Variants in HECW2 observed in about 807,000 individuals in gnomAD.
HECW2 encodes E3 ubiquitin-protein ligase HECW2.
HECW2 carries 61 observed loss-of-function variants against 175.2 expected under a neutral mutation model. The observed-to-expected ratio is 0.35, with a 90% CI of 0.28 to 0.43. HECW2 has a LOEUF of 0.43. Ranked by LOEUF, HECW2 falls within the 20% of genes least tolerant of loss-of-function variation. The pLI is 1.00. For synonymous variants in HECW2, 671 were observed against 731.0 expected (o/e 0.92, Z 1.32); for missense variants, 1,524 against 2,000.5 (o/e 0.76, Z 4.54).
chr2:196,332,483 T>A (rs1692402723), intron 4 of HECW2, among the ~76,000 whole-genome samples: 1 of 152,210 alleles, frequency 6.6e-6, no homozygotes, highest in African/African-American at 2.4e-5. Flanking sequence ...CTATACTGAT[T>A]GCCAGTGTTG....
At chr2:196,500,309 C>A (rs748176267) in intron 1 of HECW2, among the ~76,000 whole-genome samples, 4 of 152,052 alleles carry the variant, frequency 2.6e-5, no homozygotes, top group Non-Finnish European at 4.4e-5. Flanking sequence ...ACTTCCCCAT[C>A]CCATGACATC....
At chr2:196,578,764 A>G (rs1690654328) in intron 1 of HECW2, among the ~76,000 whole-genome samples, 1 of 152,194 alleles carries the variant, frequency 6.6e-6, no homozygotes, top group South Asian at 2.1e-4. Flanking sequence ...ACTATCCTTC[A>G]AAAAATGAAG....
intron 1 of HECW2, among the ~76,000 whole-genome samples, chr2:196,578,264 G>T (rs1303540898): frequency 6.6e-6 from 1 of 152,018 alleles, no homozygotes; most frequent in African/African-American, 2.4e-5. Context: ...ATTTGAACAG[G>T]CATAAAAAAG....
At position 196,253,976 on chromosome 2, in the gene HECW2, G is replaced by C; in HGVS notation, c.3473C>G (p.Pro1158Arg). ...GCCACGTGGGGACTGACAGTAGCTG[G>C]GGTGGAGTAAGGCATGTGGAGGCAC... ...SYVPPHALLH[P>R]SYCQSPRGSP... Residue 1158 changes from proline (P) to arginine (R), a missense_variant, in exon 19 of 29, where the codon CCC becomes CGC. Physicochemically the swap from Pro to Arg is moderately radical, Grantham distance 103. Transcript: ENST00000644978. 6.2e-7 allele frequency: 1 copy of C among 1,614,054 alleles called. No individual in the cohort carries two copies. The highest frequency in any genetic ancestry group is 8.5e-7 in the Non-Finnish European group (1 of 1,179,932).
chr2:196,340,210 T>TA (rs1559052770), intron 3 of HECW2, among the ~76,000 whole-genome samples: 2 of 152,010 alleles, frequency 1.3e-5, no homozygotes, highest in African/African-American at 4.8e-5. Context: ...TTCACAATTT[T>TA]AAAAAAAAGT....
chr2:196,526,125 T>C (rs1269040330), intron 1 of HECW2, among the ~76,000 whole-genome samples: 1 of 27,488 alleles, frequency 3.6e-5, no homozygotes, highest in Non-Finnish European at 7.1e-5. Context: ...CAATCAGACG[T>C]AGATTTGGTC....
rs573040549 is a variant in HECW2 at position 196,347,431 on chromosome 2, C to T, written c.293-3667G>A. 3.3e-5 allele frequency among the ~76,000 whole-genome samples: 5 copies of T among 152,204 alleles called. No individual in the cohort carries two copies. The South Asian group carries it at 8.3e-4, about 25-fold the overall frequency. ...TTCACCATGTTGGCTAGGCTGGTCT[C>T]GAACTCCTGACCTTGGGTGATCAGC... On this transcript the variant is annotated intron_variant, in intron 2 of 28. Transcript: ENST00000644978.
intron 3 of HECW2, among the ~76,000 whole-genome samples, chr2:196,341,306 G>T (rs985171366): frequency 1.1e-4 from 16 of 152,092 alleles, no homozygotes; most frequent in African/African-American, 3.9e-4. Flanking sequence ...TCCAAAGGAA[G>T]TGATTTTACC....
chr2:196,331,352 C>G (rs896431031), intron 4 of HECW2: 2 of 886,152 alleles, frequency 2.3e-6, no homozygotes, highest in African/African-American at 3.6e-5. Context: ...CTGTGGCTAT[C>G]TCATCCTGCT....
In HECW2 at chr2:196,381,221, C is replaced by A. The variant is rs548574711; in HGVS notation, c.293-37457G>T. 5.3e-5 allele frequency among the ~76,000 whole-genome samples: 8 copies of A among 152,248 alleles called. No homozygotes were observed. The South Asian group carries it at 1.7e-3, about 32-fold the overall frequency. ...TGTGACCATGAACCTCACCAATCAC[C>A]CCACATGGTTCTCACGTCACTGAGT... On this transcript the variant is annotated intron_variant, in intron 2 of 28. Transcript: ENST00000644978.
In HECW2 at chr2:196,278,586, G is replaced by C; in HGVS notation, c.3077C>G (p.Thr1026Arg). The stretch of plus-strand genomic sequence containing the variant: ...GTGTTGCCGATGAACCAGCGCACTT[G>C]TGGGTCTACTGCTCTGAAGTGGGAG... The part of the protein sequence containing the change: ...PRLPLQSSRP[T>R]SALVHRQHLT... Residue 1026 changes from threonine to arginine, a missense_variant, in exon 15 of 29, where the codon ACA becomes AGA. Physicochemically the swap from Thr to Arg is moderately conservative, Grantham distance 71 (BLOSUM62 -1). Coordinates refer to ENST00000644978, the MANE Select transcript of HECW2 (RefSeq NM_001348768.2). 6.2e-7 allele frequency: 1 copy of C among 1,614,112 alleles called. No individual in the cohort carries two copies. Among genetic ancestry groups the C allele is most frequent in the Non-Finnish European group, 8.5e-7 (1 of 1,180,024 alleles).
intron 1 of HECW2, among the ~76,000 whole-genome samples, chr2:196,511,060 AG>A (rs1377547606): frequency 3.3e-5 from 5 of 152,002 alleles, no homozygotes; most frequent in African/African-American, 4.8e-5. Flanking sequence ...CTGCCTCCCA[AG>A]TTCAGGTGAT....
chr2:196,530,103 A>G (rs1688793073), intron 1 of HECW2, among the ~76,000 whole-genome samples: 1 of 152,234 alleles, frequency 6.6e-6, no homozygotes, highest in Non-Finnish European at 1.5e-5. Flanking sequence ...TCTTATTTAC[A>G]AATGGCAACA....
chr2:196,331,342 C>T (rs1692350390), intron 4 of HECW2: 1 of 933,718 alleles, frequency 1.1e-6, no homozygotes, highest in African/African-American at 1.8e-5. Flanking sequence ...GAACTAACTG[C>T]TGTGGCTATC....
intron 1 of HECW2, among the ~76,000 whole-genome samples, chr2:196,576,089 C>T (rs921311725): frequency 6.7e-6 from 1 of 148,640 alleles, no homozygotes; most frequent in Admixed American, 6.7e-5. Flanking sequence ...TTTACTATAC[C>T]TTTTCAGTGT....
intron 16 of HECW2, among the ~76,000 whole-genome samples, chr2:196,273,742 T>C (rs1689834592): frequency 6.6e-6 from 1 of 152,176 alleles, no homozygotes; most frequent in Non-Finnish European, 1.5e-5. Context: ...CCTTAATAAA[T>C]TATTTTTCCT....
intron 1 of HECW2, among the ~76,000 whole-genome samples, chr2:196,578,302 T>C (rs1372434562): frequency 2.6e-5 from 4 of 152,106 alleles, no homozygotes; most frequent in African/African-American, 9.7e-5. Flanking sequence ...ATATATCAAC[T>C]GAGGTTATGC....
intron 2 of HECW2, among the ~76,000 whole-genome samples, chr2:196,431,595 T>C (rs116452959): frequency 1.1e-3 from 172 of 152,292 alleles, no homozygotes; most frequent in African/African-American, 4.0e-3. Context: ...AGAGAAGTTA[T>C]ATGAAGTGCA....
chr2:196,222,796 G>T (rs1687716354), intron 23 of HECW2, among the ~76,000 whole-genome samples: 1 of 151,608 alleles, frequency 6.6e-6, no homozygotes, highest in African/African-American at 2.4e-5. Context: ...TGAAAGACAT[G>T]ATTTTTATTT....
Sources: gnomAD v4.1 joint callset for allele counts (sites outside exome capture counted in the v4.1 genomes callset) on GRCh38, gnomAD v4.1.1 for gene constraint, MANE v1.5 for transcripts, NCBI Gene and HGNC (gene_info 2026-07-23, HGNC 2026-07-21) for gene names.